TSFM: variants seen among roughly 807,000 people sequenced by gnomAD.
TSFM encodes the protein Ts translation elongation factor, mitochondrial.
Under a neutral mutation model 33.4 loss-of-function variants are expected in TSFM, and 29 were observed. That is an observed-to-expected ratio of 0.87 (90% CI 0.65 to 1.18). The LOEUF is 1.18. Ranked by LOEUF, TSFM falls within the 50% of genes most tolerant of loss-of-function variation. TSFM has a pLI of 0.00. For synonymous variants in TSFM, 178 were observed against 163.5 expected, an observed-to-expected ratio of 1.09 and a Z score of -0.68; for missense variants, 394 against 395.6, an observed-to-expected ratio of 1.00 and a Z score of 0.04.
At chr12:57,787,238 TTCTC>T in intron 4 of TSFM, 76 bp downstream of exon 4, 2 of 1,385,576 alleles carry the variant, frequency 1.4e-6, no homozygotes, top group Non-Finnish European at 2.0e-6. Context: ...ATTGTAGACA[TTCTC>T]ATGTCTCATT....
downstream of TSFM, chr12:57,799,672 G>A: frequency 7.2e-7 from 1 of 1,395,086 alleles, no homozygotes; most frequent in Non-Finnish European, 9.7e-7. Flanking sequence ...GAGTTCCTAG[G>A]TAGCTCAGAT....
chr12:57,800,314 A>G (rs1955820951), downstream of TSFM: 2 of 167,290 alleles, frequency 1.2e-5, no homozygotes, highest in Non-Finnish European at 2.6e-5. Flanking sequence ...TACTACATCA[A>G]CATTAGCTTT....
Position 57,796,471 on chromosome 12 carries a change from T to G in TSFM, c.866T>G (p.Leu289Trp). Residue 289 changes from leucine (L) to tryptophan (W), a missense_variant, in exon 6 of 6, where the codon TTG becomes TGG. By Grantham distance (61) the Leu-to-Trp change is moderately conservative (BLOSUM62 -2). This residue lies in a region of TSFM where 186 missense variants were observed against 198.8 expected (regional missense o/e 0.94). Transcript: ENST00000652027. ...AETKMLSQPY[L>W]LDPSITLGQY... is the part of the protein sequence containing the mutation. Reference sequence around the variant, plus strand: ...ACTAAGATGCTGTCCCAGCCGTATTTGCTGGATCCCTCCATTACCTTGGGG... The same window carrying G: ...ACTAAGATGCTGTCCCAGCCGTATTGGCTGGATCCCTCCATTACCTTGGGG... 1 of 1,593,004 alleles carries G rather than the reference T, an allele frequency of 6.3e-7. No individual in the cohort carries two copies. The highest frequency in any genetic ancestry group is 8.6e-7 in the Non-Finnish European group (1 of 1,168,518).
At chr12:57,799,648 G>A (rs996220373), downstream of TSFM, 3 of 1,065,692 alleles carry the variant, frequency 2.8e-6, no homozygotes, top group Non-Finnish European at 4.0e-6. Flanking sequence ...AAGAACCCTG[G>A]TTTTTTTTGG....
chr12:57,789,986 C>G lies in TSFM; in HGVS notation c.483+2824C>G, dbSNP rs192222535. On this transcript the variant is annotated intron_variant, in intron 4 of 5. Coordinates refer to ENST00000652027, the MANE Select transcript of TSFM (RefSeq NM_005726.6). ...GGAATGGGCCACTTCTTCAAGGAGT[C>G]CTGGTCCTTTTTAGTTGGGGAATGG... 1.7e-4 allele frequency among the ~76,000 whole-genome samples: 26 copies of G among 151,578 alleles called. No homozygotes were observed. In the East Asian group the frequency reaches 5.0e-3, roughly 29 times the overall value.
chr12:57,802,066 A>C, downstream of TSFM: 1 of 1,411,380 alleles, frequency 7.1e-7, no homozygotes. Flanking sequence ...TCCTGGTTTC[A>C]CTGAGCCGTG....
rs369677447 is a variant in TSFM at position 57,782,798 on chromosome 12, A to G, written c.-4A>G. ...GCCGGAGGGTGTTTATCGCGGCTAG[A>G]GAGATGTCGCTGCTGCGGTCGCTGC... On this transcript the variant is annotated 5_prime_UTR_variant, in exon 1 of 6. Transcript: ENST00000652027. 10 of 1,588,960 alleles carry G rather than the reference A, an allele frequency of 6.3e-6. No homozygotes were observed. The African/African-American group carries it at 1.2e-4, about 19-fold the overall frequency.
intron 4 of TSFM, among the ~76,000 whole-genome samples, chr12:57,791,346 C>T (rs1955660143): frequency 6.6e-6 from 1 of 152,084 alleles, no homozygotes; most frequent in East Asian, 1.9e-4. Flanking sequence ...ACATAAGATA[C>T]ATTAAGAAAG....
chr12:57,802,672 CTCT>C (rs1473667492), downstream of TSFM: 20 of 635,334 alleles, frequency 3.1e-5, no homozygotes, highest in African/African-American at 9.2e-5. Context: ...CAGGATGTAG[CTCT>C]TCTTTACTAA....
intron 4 of TSFM, among the ~76,000 whole-genome samples, chr12:57,790,976 G>A (rs1159238682): frequency 5.4e-5 from 8 of 148,832 alleles, no homozygotes; most frequent in African/African-American, 2.0e-4. Context: ...CAAAGTGCTG[G>A]ATTATGGGCA....
At chr12:57,801,049 C>G (rs1402627108), downstream of TSFM, 1 of 996,196 alleles carries the variant, frequency 1.0e-6, no homozygotes, top group African/African-American at 1.6e-5. Context: ...ATACTAAGGA[C>G]ATGAGTTTTG....
In TSFM at chr12:57,785,635, T is replaced by C. The variant is rs567497057; in HGVS notation, c.232-528T>C. Among the ~76,000 whole-genome samples the C allele has an allele frequency of 2.0e-5, 3 of 152,314 alleles. 1 individual carries two copies. The South Asian group carries it at 6.2e-4, about 32-fold the overall frequency. On this transcript the variant is annotated intron_variant, in intron 2 of 5. Transcript: ENST00000652027. ...CACTCTAAAATAACAATAAAGCATA[T>C]GTATTATAGTAAATACATAAGCCAG... is the stretch of plus-strand genomic sequence containing the variant.
At chr12:57,789,386 A>G (rs769802900) in intron 4 of TSFM, among the ~76,000 whole-genome samples, 1 of 152,132 alleles carries the variant, frequency 6.6e-6, no homozygotes, top group African/African-American at 2.4e-5. Flanking sequence ...CAGTGATCAC[A>G]TTTAGGATTT....
intron 2 of TSFM, chr12:57,784,003 T>C (rs776803433): frequency 1.4e-6 from 1 of 702,880 alleles, no homozygotes; most frequent in Non-Finnish European, 2.6e-6. Flanking sequence ...TTCTGAGAAA[T>C]GGCGTCGTTA....
rs775442169 is a variant in TSFM, at chr12:57,792,980, A to G, written c.484-6A>G. On this transcript the variant is annotated splice_polypyrimidine_tract_variant and splice_region_variant and intron_variant, in intron 4 of 5. Coordinates refer to ENST00000652027, the MANE Select transcript of TSFM (RefSeq NM_005726.6). ...CAGTTCATGTTTGTTTTCTTCGTGCACTTAGGGTTTCTTGAATTCCTCTGA... is the reference window on the plus strand; with the variant it reads ...CAGTTCATGTTTGTTTTCTTCGTGCGCTTAGGGTTTCTTGAATTCCTCTGA... 46 of 1,613,256 alleles carry G rather than the reference A, an allele frequency of 2.9e-5. No homozygotes were observed. Among genetic ancestry groups the G allele is most frequent in the East Asian group, 4.5e-5 (2 of 44,872 alleles).
At chr12:57,786,439 ATTAG>A in intron 3 of TSFM, 148 bp downstream of exon 3, 1 of 1,026,612 alleles carries the variant, frequency 9.7e-7, no homozygotes, top group South Asian at 2.2e-5. Flanking sequence ...AACCCTGGGT[ATTAG>A]TTACGAATTC....
intron 2 of TSFM, among the ~76,000 whole-genome samples, chr12:57,785,554 C>T (rs1025447989): frequency 2.0e-5 from 3 of 152,140 alleles, no homozygotes; most frequent in Non-Finnish European, 4.4e-5. Flanking sequence ...TCACTGCAAC[C>T]TCCGCCTCCC....
At chr12:57,802,043 T>A, downstream of TSFM, 1 of 1,175,378 alleles carries the variant, frequency 8.5e-7, no homozygotes. Context: ...GGGATGGGAG[T>A]AGGGAAATGA....
In TSFM at chr12:57,784,643, C is replaced by CT. The variant is rs536661275; in HGVS notation, c.231+1361dup. Among the ~76,000 whole-genome samples, 266 of 151,984 alleles carry CT rather than the reference C, an allele frequency of 1.8e-3. 3 individuals are homozygous for CT. The East Asian group carries it at 0.044, about 25-fold the overall frequency. ...CCTGTAATCTCAGAACTTTGGGAGG[C>CT]TGAGGCAAGCGGATCACCTGAGGTT... On this transcript the variant is annotated intron_variant, in intron 2 of 5. Coordinates refer to ENST00000652027, the MANE Select transcript of TSFM (RefSeq NM_005726.6).
Sources: gnomAD v4.1 joint callset for allele counts (sites outside exome capture counted in the v4.1 genomes callset) on GRCh38, gnomAD v4.1.1 for gene constraint, gnomAD v4.1.1 regional missense constraint, MANE v1.5 for transcripts, NCBI Gene and HGNC (gene_info 2026-07-23, HGNC 2026-07-21) for gene names.